The following DSCAM variants were observed in gnomAD, a reference collection of about 807,000 sequenced individuals.
DSCAM encodes the protein DS cell adhesion molecule.
A neutral mutation model predicts 217.7 loss-of-function variants in DSCAM; 47 were observed. The ratio of observed to expected loss-of-function variants is 0.22; its 90% CI spans 0.17 to 0.28. DSCAM has a LOEUF of 0.28. Among genes scored for constraint, DSCAM ranks in the 10% least tolerant of loss-of-function variants. The pLI is 1.00. For synonymous variants in DSCAM, 1,056 were observed against 1,015.3 expected, an observed-to-expected ratio of 1.04 and a Z score of -0.76; for missense variants, 2,080 against 2,618.3, an observed-to-expected ratio of 0.79 and a Z score of 4.49.
chr21:40,254,730 C>T (rs2073348655), intron 11 of DSCAM, among the ~76,000 whole-genome samples: 1 of 152,136 alleles, frequency 6.6e-6, no homozygotes, highest in Non-Finnish European at 1.5e-5. Flanking sequence ...GCCTCTCCAA[C>T]TTCCTGTACT....
intron 11 of DSCAM, among the ~76,000 whole-genome samples, chr21:40,235,332 T>C (rs1426647485): frequency 6.6e-6 from 1 of 152,158 alleles, no homozygotes; most frequent in Non-Finnish European, 1.5e-5. Context: ...TTTTGCCTTA[T>C]GAAGTAGGAA....
intron 3 of DSCAM, among the ~76,000 whole-genome samples, chr21:40,660,235 G>T (rs773850460): frequency 6.6e-6 from 1 of 152,104 alleles, no homozygotes; most frequent in East Asian, 1.9e-4. Context: ...CTTAAAGATC[G>T]TATACTGTGC....
chr21:40,175,770 A>AACACACACACACACACACAC lies in DSCAM; in HGVS notation c.2947+3156_2947+3157insGTGTGTGTGTGTGTGTGTGT, dbSNP rs1329501944. On this transcript the variant is annotated intron_variant, in intron 15 of 32. Coordinates refer to ENST00000400454, the MANE Select transcript of DSCAM (RefSeq NM_001389.5). ...GGTTTAATCCAGCATATATTTTCTC[A>AACACACACACACACACACAC]ACACACACATACACACACACACACA... is the stretch of plus-strand genomic sequence containing the variant. 3.8e-4 allele frequency among the ~76,000 whole-genome samples: 48 copies of AACACACACACACACACACAC among 126,434 alleles called. 2 individuals carry two copies. The highest frequency in any genetic ancestry group is 1.2e-3 in the African/African-American group (38 of 31,630). 82.9% of individuals were successfully genotyped at this position (126,434 alleles called of 152,430 possible). A position where few individuals can be genotyped will look rare whatever the true frequency, so the allele number is the denominator to read the frequency against.
intron 3 of DSCAM, among the ~76,000 whole-genome samples, chr21:40,501,123 T>C (rs1465400777): frequency 6.6e-6 from 1 of 152,232 alleles, no homozygotes; most frequent in Non-Finnish European, 1.5e-5. Context: ...GGACACCATT[T>C]CAATCTAAAT....
intron 8 of DSCAM, among the ~76,000 whole-genome samples, chr21:40,312,743 A>AC (rs1379817559): frequency 6.6e-6 from 1 of 152,200 alleles, no homozygotes; most frequent in Non-Finnish European, 1.5e-5. Flanking sequence ...CGACTATGAC[A>AC]CTACAATTAC....
chr21:40,157,459 A>C (rs987395752), intron 16 of DSCAM, among the ~76,000 whole-genome samples: 2 of 152,192 alleles, frequency 1.3e-5, no homozygotes, highest in Admixed American at 6.5e-5. Context: ...GGAGCATTGG[A>C]GAAAGGCCTG....
intron 11 of DSCAM, among the ~76,000 whole-genome samples, chr21:40,233,524 C>T (rs1281768063): frequency 6.6e-6 from 1 of 152,104 alleles, no homozygotes; most frequent in Non-Finnish European, 1.5e-5. Flanking sequence ...CGTAATATTG[C>T]ACAAGTGGAA....
chr21:40,610,823 A>G (rs1377665320), intron 3 of DSCAM, among the ~76,000 whole-genome samples: 1 of 152,166 alleles, frequency 6.6e-6, no homozygotes, highest in Non-Finnish European at 1.5e-5. Context: ...TAGAGTTAAC[A>G]GCAGTTTTGC....
chr21:40,418,025 T>A (rs992473356), intron 3 of DSCAM, among the ~76,000 whole-genome samples: 4 of 152,136 alleles, frequency 2.6e-5, no homozygotes, highest in Admixed American at 2.0e-4. Flanking sequence ...TATGCAAAAG[T>A]TCCTCAACAA....
intron 3 of DSCAM, among the ~76,000 whole-genome samples, chr21:40,419,001 C>T (rs1001420802): frequency 2.6e-5 from 4 of 152,076 alleles, no homozygotes; most frequent in Non-Finnish European, 2.9e-5. Flanking sequence ...GATGGAGTCT[C>T]GCTTTGTCAC....
intron 1 of DSCAM, among the ~76,000 whole-genome samples, chr21:40,787,805 A>G (rs7275541): frequency 0.67 from 101,647 of 151,980 alleles, 34,377 homozygotes; most frequent in South Asian, 0.78. Flanking sequence ...ATTCGAGGTC[A>G]GACCCACAAA....
chr21:40,076,937 T>C (rs2089373711), intron 26 of DSCAM, among the ~76,000 whole-genome samples: 1 of 152,192 alleles, frequency 6.6e-6, no homozygotes, highest in African/African-American at 2.4e-5. Context: ...GTCTGGTAAG[T>C]GTCAAAGTTC....
intron 3 of DSCAM, among the ~76,000 whole-genome samples, chr21:40,452,557 T>A (rs897951575): frequency 6.6e-6 from 1 of 152,148 alleles, no homozygotes; most frequent in Non-Finnish European, 1.5e-5. Context: ...GTATAAAATA[T>A]ATTACCTGCC....
chr21:40,021,273 GAC>G (rs1478574278), intron 32 of DSCAM, among the ~76,000 whole-genome samples: 3 of 150,374 alleles, frequency 2.0e-5, no homozygotes, highest in Non-Finnish European at 4.4e-5. Flanking sequence ...AAAAATTAGA[GAC>G]AGAGTCACAA....
intron 1 of DSCAM, among the ~76,000 whole-genome samples, chr21:40,814,542 G>A (rs984325916): frequency 3.3e-5 from 5 of 152,200 alleles, no homozygotes; most frequent in Admixed American, 6.5e-5. Flanking sequence ...GGATTGATGA[G>A]GAAGGGAGCT....
intron 27 of DSCAM, among the ~76,000 whole-genome samples, chr21:40,074,324 A>G (rs2089334543): frequency 6.6e-6 from 1 of 152,122 alleles, no homozygotes; most frequent in Non-Finnish European, 1.5e-5. Flanking sequence ...CCTCACTGGT[A>G]AAGGGCAAAG....
chr21:40,396,581 G>A (rs1246640445), intron 3 of DSCAM, among the ~76,000 whole-genome samples: 1 of 152,138 alleles, frequency 6.6e-6, no homozygotes, highest in African/African-American at 2.4e-5. Flanking sequence ...GGAAATGGTT[G>A]TGGCCACTGG....
chr21:40,352,441 G>A (rs1029993389), intron 5 of DSCAM, among the ~76,000 whole-genome samples: 2 of 152,096 alleles, frequency 1.3e-5, no homozygotes, highest in Admixed American at 1.3e-4. Context: ...CAGGATTCAG[G>A]CTGGACAGCC....
At chr21:40,829,411 T>C (rs2091995292) in intron 1 of DSCAM, among the ~76,000 whole-genome samples, 1 of 152,066 alleles carries the variant, frequency 6.6e-6, no homozygotes. Flanking sequence ...CCACTCGAGG[T>C]TTGTGGTCAT....
Sources: allele counts gnomAD v4.1 joint callset (sites outside exome capture counted in the v4.1 genomes callset), GRCh38; gene constraint gnomAD v4.1.1; transcripts MANE v1.5; gene names NCBI Gene and HGNC (gene_info 2026-07-23, HGNC 2026-07-21).